KIAA1755: variants seen among roughly 807,000 people sequenced by gnomAD.
KIAA1755 encodes the protein KIAA1755, also known as uncharacterized protein KIAA1755.
KIAA1755 carries 68 observed loss-of-function variants against 91.7 expected under a neutral mutation model. The observed-to-expected ratio is 0.74, with a 90% confidence interval of 0.61 to 0.91. The LOEUF (loss-of-function observed/expected upper bound fraction) is 0.91, where lower values mean the gene tolerates loss of function less well. KIAA1755 is among the 40% of genes least tolerant of loss of function. KIAA1755 has a pLI of 0.00. For synonymous variants in KIAA1755, 610 were observed against 604.6 expected, an observed-to-expected ratio of 1.01 and a Z score of -0.13; for missense variants, 1,535 against 1,494.4, an observed-to-expected ratio of 1.03 and a Z score of -0.45.
At chr20:38,222,635 A>G in intron 9 of KIAA1755, 38 bp from the exon 10 acceptor site, 1 of 1,602,164 alleles carries the variant, frequency 6.2e-7, no homozygotes, top group Non-Finnish European at 8.5e-7. Flanking sequence ...CCCCATCCCC[A>G]CTCTCCCTCT....
chr20:38,216,172 G>C (rs889423568), intron 13 of KIAA1755, among the ~76,000 whole-genome samples: 9 of 152,240 alleles, frequency 5.9e-5, no homozygotes, highest in Non-Finnish European at 1.3e-4. Context: ...TGAAGACTGT[G>C]GTTGAGGTCA....
In KIAA1755 at chr20:38,241,718, T is replaced by C; in HGVS notation, c.413A>G (p.Glu138Gly). ...GGTGAAAAGTATAGGGTAGGCTGGC[T>C]CTGGAACAGGCTTCTTGTCCACTGT... ...LCTVDKKPVP[E>G]PAYPILFTQE... The change falls in exon 3 of 14, where the codon GAG becomes GGG. Residue 138 changes from glutamate to glycine, a missense_variant. Physicochemically the swap from Glu to Gly is moderately conservative, Grantham distance 98. Transcript: ENST00000279024. 6.2e-7 allele frequency: 1 copy of C among 1,614,236 alleles called. No homozygotes were observed. Among genetic ancestry groups the C allele is most frequent in the Non-Finnish European group, 8.5e-7 (1 of 1,180,040 alleles).
At chr20:38,253,098 G>A (rs6024321) in intron 1 of KIAA1755, among the ~76,000 whole-genome samples, 14,634 of 152,172 alleles carry the variant, frequency 0.096, 1,066 homozygotes, top group African/African-American at 0.2. Flanking sequence ...TCCCAGGCAG[G>A]AGCCAGCGGG....
At chr20:38,225,641 G>T in intron 8 of KIAA1755, 24 bp downstream of exon 8, 1 of 1,425,554 alleles carries the variant, frequency 7.0e-7, no homozygotes, top group Non-Finnish European at 9.9e-7. Context: ...GGGGTCAGGG[G>T]CTAAAGGCTG....
chr20:38,245,866 G>C, intron 2 of KIAA1755, 63 bp downstream of exon 2: 1 of 1,516,152 alleles, frequency 6.6e-7, no homozygotes, highest in African/African-American at 1.4e-5. Context: ...TTCTCTGCCC[G>C]CCTCTAGCCC....
At chr20:38,235,299 G>C (rs143219568) in intron 4 of KIAA1755, among the ~76,000 whole-genome samples, 2 of 152,244 alleles carry the variant, frequency 1.3e-5, no homozygotes, top group East Asian at 1.9e-4. Flanking sequence ...GGAAAGACAG[G>C]GAAGCCCTCT....
At chr20:38,227,357 T>C (rs1216897646) in intron 6 of KIAA1755, 117 bp from the exon 7 acceptor site, 2 of 659,702 alleles carry the variant, frequency 3.0e-6, no homozygotes, top group African/African-American at 1.8e-5. Flanking sequence ...AAGGACAGAG[T>C]GGGGTCCCTC....
chr20:38,254,783 CA>C (rs773273813), intron 1 of KIAA1755, among the ~76,000 whole-genome samples: 4,473 of 135,608 alleles, frequency 0.033, 78 homozygotes, highest in East Asian at 0.069. Flanking sequence ...TCCCCAACTC[CA>C]AAAAAAAAAA....
intron 3 of KIAA1755, among the ~76,000 whole-genome samples, chr20:38,240,033 G>A (rs1337455194): frequency 6.6e-6 from 1 of 152,024 alleles, no homozygotes; most frequent in African/African-American, 2.4e-5. Flanking sequence ...AGTAGCTGGG[G>A]CTAAAGGCAT....
At chr20:38,226,292 T>G (rs2075755515) in intron 7 of KIAA1755, among the ~76,000 whole-genome samples, 1 of 152,172 alleles carries the variant, frequency 6.6e-6, no homozygotes, top group Non-Finnish European at 1.5e-5. Flanking sequence ...AATTTGAGGT[T>G]TATGCTGGGA....
chr20:38,223,496 G>A, intron 9 of KIAA1755, 42 bp downstream of exon 9: 7 of 1,430,474 alleles, frequency 4.9e-6, no homozygotes, highest in Non-Finnish European at 6.7e-6. Flanking sequence ...ATGGGGTCTG[G>A]GGTGTGATGT....
chr20:38,260,608 G>A lies in KIAA1755; in HGVS notation c.-108C>T. 2 of 1,391,596 alleles carry A rather than the reference G, an allele frequency of 1.4e-6. No homozygotes were observed. Among genetic ancestry groups the A allele is most frequent in the Non-Finnish European group, 1.9e-6 (2 of 1,062,656 alleles). 86.2% of individuals were successfully genotyped at this position (1,391,596 alleles called of 1,614,324 possible). A position where few individuals can be genotyped will look rare whatever the true frequency, so the allele number is the denominator to read the frequency against. ...CAGCCCTCGGTCCCGCCTAGCCCTG[G>A]AGCCAGGGGATAGGGCAGGCCCGGG... is the stretch of plus-strand genomic sequence containing the variant. On this transcript the variant is annotated 5_prime_UTR_variant, in exon 1 of 14. Transcript: ENST00000279024.
chr20:38,246,250 C>A (rs2076158934), intron 1 of KIAA1755, 124 bp from the exon 2 acceptor site: 10 of 752,162 alleles, frequency 1.3e-5, no homozygotes, highest in Admixed American at 2.4e-5. Context: ...CTCTCCTACC[C>A]CACCCCCCTC....
chr20:38,223,618 C>T lies in KIAA1755; in HGVS notation c.2188G>A (p.Ala730Thr). ...HFFQKLDPFL[A>T]DLHQASSLLQ... Reference sequence around the variant, plus strand: ...AGGGAAGAGGCCTGGTGGAGGTCAGCAAGGAAAGGGTCCAGCTTCTGCAGG... The same window carrying T: ...AGGGAAGAGGCCTGGTGGAGGTCAGTAAGGAAAGGGTCCAGCTTCTGCAGG... The change falls in exon 9 of 14, where the codon GCT (alanine) becomes ACT (threonine). Residue 730 changes from alanine to threonine, a missense_variant. Ala to Thr is a moderately conservative substitution (Grantham distance 58, BLOSUM62 0). Coordinates refer to ENST00000279024, the MANE Select transcript of KIAA1755 (RefSeq NM_001029864.2). The T allele has an allele frequency of 6.2e-7, 1 of 1,604,914 alleles. No homozygotes were observed. Among genetic ancestry groups the T allele is most frequent in the Non-Finnish European group, 8.5e-7 (1 of 1,176,222 alleles).
Position 38,241,576 on chromosome 20 carries a change from C to T in KIAA1755, c.555G>A (p.Glu185=). Residue 185 remains glutamate, a synonymous_variant, in exon 3 of 14, where the codon GAG becomes GAA. Transcript: ENST00000279024. ...PVPWTKITSP[E]FVDDRPQVVN... ...CTACTTGGGGTCTGTCATCCACAAA[C>T]TCTGGGCTGGTTATCTTGGTCCAAG... is the stretch of plus-strand genomic sequence containing the variant. 6.2e-7 allele frequency: 1 copy of T among 1,614,260 alleles called. No homozygotes were observed. Among genetic ancestry groups the T allele is most frequent in the South Asian group, 1.1e-5 (1 of 91,090 alleles).
intron 7 of KIAA1755, among the ~76,000 whole-genome samples, chr20:38,226,717 C>T (rs6098592): frequency 0.067 from 10,177 of 152,060 alleles, 611 homozygotes; most frequent in African/African-American, 0.16. Flanking sequence ...TTAATTAGGG[C>T]GAGAAATACA....
chr20:38,218,801 A>T (rs1056946181), intron 11 of KIAA1755, among the ~76,000 whole-genome samples: 2 of 152,204 alleles, frequency 1.3e-5, no homozygotes, highest in Non-Finnish European at 2.9e-5. Flanking sequence ...TGCAGAGGAA[A>T]GTCCATGGGC....
At position 38,213,291 on chromosome 20, in the gene KIAA1755, G is replaced by A. The variant is rs1409335506; in HGVS notation, c.3354C>T (p.Asn1118=). 6 of 1,613,716 alleles carry A rather than the reference G, an allele frequency of 3.7e-6. No individual in the cohort carries two copies. The highest frequency in any genetic ancestry group is 1.3e-5 in the African/African-American group (1 of 74,944). ...WPPGPPRGEQ[N]RTFQAGSPPQ... ...GTGGAGAGCCTGCCTGGAAAGTTCT[G>A]TTCTGTTCCCCTCTGGGGGGCCCAG... Residue 1118 remains asparagine, a synonymous_variant, in exon 14 of 14, where the codon AAC becomes AAT. Transcript: ENST00000279024.
At chr20:38,256,675 C>T (rs1002524262) in intron 1 of KIAA1755, among the ~76,000 whole-genome samples, 2 of 151,970 alleles carry the variant, frequency 1.3e-5, no homozygotes, top group Admixed American at 6.6e-5. Context: ...TGGTAGCACG[C>T]ACCTGTAGTC....
Sources: gnomAD v4.1 joint callset for allele counts (sites outside exome capture counted in the v4.1 genomes callset) on GRCh38, gnomAD v4.1.1 for gene constraint, MANE v1.5 for transcripts, NCBI Gene and HGNC (gene_info 2026-07-23, HGNC 2026-07-21) for gene names.